Variants in POLR2D observed in about 807,000 individuals in gnomAD.
POLR2D encodes DNA-directed RNA polymerase II subunit RPB4.
Under a neutral mutation model 17.6 loss-of-function variants are expected in POLR2D, and 10 were observed. The observed-to-expected ratio is 0.57, with a 90% confidence interval of 0.35 to 0.96. The LOEUF (loss-of-function observed/expected upper bound fraction) is 0.96. Among genes scored for constraint, POLR2D ranks in the 40% least tolerant of loss-of-function variants. The probability of loss-of-function intolerance (pLI) is 0.02; values close to 1 mark genes in which losing one functional copy is unlikely to be tolerated. For synonymous variants in POLR2D, 52 were observed against 60.2 expected (o/e 0.86, Z 0.63); for missense variants, 126 against 176.4 (o/e 0.71, Z 1.62).
At chr2:127,857,901 C>A (rs376027444) in intron 1 of POLR2D, 127 bp downstream of exon 1, 3 of 1,406,286 alleles carry the variant, frequency 2.1e-6, no homozygotes, top group South Asian at 1.5e-5. Context: ...CCCTCCCCAG[C>A]CCCACGCCGC....
rs1377765584 is a variant in POLR2D, at chr2:127,847,706, C to T, written c.*401G>A. 1 of 181,146 alleles carries T rather than the reference C, an allele frequency of 5.5e-6. No homozygotes were observed. The highest frequency in any genetic ancestry group is 1.2e-5 in the Non-Finnish European group (1 of 85,936). 11.2% of individuals were successfully genotyped at this position (181,146 alleles called of 1,614,324 possible). A position where few individuals can be genotyped will look rare whatever the true frequency, so the allele number is the denominator to read the frequency against. On this transcript the variant is annotated 3_prime_UTR_variant, in exon 4 of 4. Coordinates refer to ENST00000272645, the MANE Select transcript of POLR2D (RefSeq NM_004805.4). ...CCTTTAGTATCTAGGTAAAACTGGT[C>T]TTTCTCTATAAAGTCTACTATCTTC...
At chr2:127,848,220 G>A (rs751805960) in intron 3 of POLR2D, 35 bp from the exon 4 acceptor site, 14 of 1,425,446 alleles carry the variant, frequency 9.8e-6, no homozygotes, top group South Asian at 2.4e-5. Context: ...GTGATTTGGC[G>A]ACTGGCAATT....
intron 1 of POLR2D, among the ~76,000 whole-genome samples, chr2:127,856,224 G>A (rs998815436): frequency 7.0e-6 from 1 of 143,048 alleles, no homozygotes. Context: ...AGGGAAGGTT[G>A]AGGCTGCAGT....
chr2:127,848,090 G>C lies in POLR2D; in HGVS notation c.*17C>G. 6.5e-7 allele frequency: 1 copy of C among 1,549,118 alleles called. No homozygotes were observed. Among genetic ancestry groups the C allele is most frequent in the Non-Finnish European group, 8.9e-7 (1 of 1,120,738 alleles). On this transcript the variant is annotated 3_prime_UTR_variant, in exon 4 of 4. Coordinates refer to ENST00000272645, the MANE Select transcript of POLR2D (RefSeq NM_004805.4). ...CCTGGGGATGTGGTTTCTCCGAGCA[G>C]CAGTGATGTTTGGAGATTAATACTG...
At chr2:127,853,719 T>C (rs896247051) in intron 1 of POLR2D, among the ~76,000 whole-genome samples, 2 of 152,098 alleles carry the variant, frequency 1.3e-5, no homozygotes, top group Non-Finnish European at 2.9e-5. Context: ...CACCACACCC[T>C]GTGTGTTGTT....
At chr2:127,857,743 A>C in intron 1 of POLR2D, 2 of 1,134,408 alleles carry the variant, frequency 1.8e-6, no homozygotes, top group East Asian at 4.0e-5. Context: ...ACAGTATATT[A>C]CTGTTTAAAA....
At chr2:127,855,394 CAAAAAAAA>C (rs747725989) in intron 1 of POLR2D, among the ~76,000 whole-genome samples, 10 of 51,260 alleles carry the variant, frequency 2.0e-4, no homozygotes, top group Admixed American at 1.5e-3. Context: ...AACTCCGTCT[CAAAAAAAA>C]AAAAAAAAAA....
intron 2 of POLR2D, 51 bp from the exon 3 acceptor site, chr2:127,850,736 A>C: frequency 1.1e-6 from 1 of 903,278 alleles, no homozygotes; most frequent in Non-Finnish European, 1.8e-6. Context: ...CAAATAAACA[A>C]CAAAAATCAA....
chr2:127,858,134 G>C lies in POLR2D; in HGVS notation c.-34C>G, dbSNP rs764911492. 1.7e-5 allele frequency: 24 copies of C among 1,414,788 alleles called. No individual in the cohort carries two copies. Among genetic ancestry groups the C allele is most frequent in the Middle Eastern group, 4.1e-4 (2 of 4,886 alleles). 87.6% of individuals were successfully genotyped at this position (1,414,788 alleles called of 1,614,324 possible). ...CGCGCCGCGCGCCACCACCAGCGCC[G>C]CCGGAAGCAGAAGCGCGGAGCAACG... On this transcript the variant is annotated 5_prime_UTR_variant, in exon 1 of 4. Transcript: ENST00000272645.
chr2:127,858,016 C>A lies in POLR2D; in HGVS notation c.73+12G>T. On this transcript the variant is annotated intron_variant, in intron 1 of 3. Transcript: ENST00000272645. ...AAGTGGCGCGGGGGAGTCTGGCAGC[C>A]CCGAGCCCAACCTTTAGGAAAGATG... 1.3e-6 allele frequency: 2 copies of A among 1,577,886 alleles called. No homozygotes were observed. Among genetic ancestry groups the A allele is most frequent in the Non-Finnish European group, 1.7e-6 (2 of 1,164,770 alleles).
chr2:127,850,958 C>T (rs1427898560), intron 2 of POLR2D, among the ~76,000 whole-genome samples: 9 of 151,994 alleles, frequency 5.9e-5, no homozygotes, highest in East Asian at 1.9e-4. Flanking sequence ...CAGTGGCTCA[C>T]GCCTGTAATC....
At chr2:127,853,952 T>C (rs1446631414) in intron 1 of POLR2D, among the ~76,000 whole-genome samples, 1 of 152,182 alleles carries the variant, frequency 6.6e-6, no homozygotes, top group African/African-American at 2.4e-5. Context: ...TAATGACACA[T>C]AGACTAGTTA....
rs1558981947 is a variant in POLR2D, at chr2:127,852,007, T to C, written c.254+918A>G. Among the ~76,000 whole-genome samples the C allele has an allele frequency of 6.6e-6, 1 of 152,158 alleles. No homozygotes were observed. The highest frequency in any genetic ancestry group is 1.9e-4 in the East Asian group (1 of 5,190). ...TTTCACCATTTTGGTCAGGCTGGTCTTGAACTCCTGACCGCAAGAGATGTG... is the reference window on the plus strand; with the variant it reads ...TTTCACCATTTTGGTCAGGCTGGTCCTGAACTCCTGACCGCAAGAGATGTG... On this transcript the variant is annotated intron_variant, in intron 2 of 3. Transcript: ENST00000272645. The surrounding 1 kb of genome is among the most constrained non-coding windows in gnomAD (Gnocchi z 4.0).
intron 1 of POLR2D, among the ~76,000 whole-genome samples, chr2:127,856,475 A>C (rs1000320983): frequency 1.3e-5 from 2 of 151,296 alleles, no homozygotes; most frequent in East Asian, 3.9e-4. Context: ...CTGTAGTCCC[A>C]GCTACTTGGG....
At position 127,852,772 on chromosome 2, in the gene POLR2D, A is replaced by G. The variant is rs1300117337; in HGVS notation, c.254+153T>C. Among the ~76,000 whole-genome samples, 3 of 152,174 alleles carry G rather than the reference A, an allele frequency of 2.0e-5. No individual in the cohort carries two copies. The highest frequency in any genetic ancestry group is 4.4e-5 in the Non-Finnish European group (3 of 68,032). On this transcript the variant is annotated intron_variant, in intron 2 of 3. Transcript: ENST00000272645. The surrounding 1 kb of genome is among the most constrained non-coding windows in gnomAD (Gnocchi z 4.0). ...TGGCCTCAAGTGATCTGCTGCCTCA[A>G]CCTTCCAAAGTGCTGGGTGTGAGCC...
chr2:127,852,862 A>C lies in POLR2D; in HGVS notation c.254+63T>G. On this transcript the variant is annotated intron_variant, in intron 2 of 3. Transcript: ENST00000272645. The surrounding 1 kb of genome is among the most constrained non-coding windows in gnomAD (Gnocchi z 4.0). ...GTGACACCTGGGAAAGGGGGAGGGG[A>C]CAGCATTCTACATGCAGTTGTCCAA... is the stretch of plus-strand genomic sequence containing the variant. 9.0e-7 allele frequency: 1 copy of C among 1,105,802 alleles called. No individual in the cohort carries two copies. Among genetic ancestry groups the C allele is most frequent in the Non-Finnish European group, 1.4e-6 (1 of 740,540 alleles). The allele number at this position is 1,105,802 out of a possible 1,614,324, so 68.5% of individuals were successfully genotyped here.
chr2:127,857,207 T>A (rs1247342300), intron 1 of POLR2D: 1 of 152,124 alleles, frequency 6.6e-6, no homozygotes, highest in Non-Finnish European at 1.5e-5. Flanking sequence ...TCTCAGCTAC[T>A]TGGGAGGCTG....
At chr2:127,850,004 C>T (rs1481737320) in intron 3 of POLR2D, among the ~76,000 whole-genome samples, 1 of 152,192 alleles carries the variant, frequency 6.6e-6, no homozygotes, top group Admixed American at 6.5e-5. Flanking sequence ...TTCATCTTTA[C>T]CAGACATAGC....
rs1320385908 is a variant in POLR2D at position 127,845,695 on chromosome 2, G to A, written c.*2412C>T. The A allele has an allele frequency of 6.6e-6, 1 of 152,110 alleles. No individual in the cohort carries two copies. The highest frequency in any genetic ancestry group is 2.4e-5 in the African/African-American group (1 of 41,408). 9.4% of individuals were successfully genotyped at this position (152,110 alleles called of 1,614,324 possible). On this transcript the variant is annotated 3_prime_UTR_variant, in exon 4 of 4. Transcript: ENST00000272645. ...TGGCCCAATTTCATTTATTTTCCAA[G>A]TCTGATACTATCAGTTGGTAGGCTA...
Sources: allele counts gnomAD v4.1 joint callset (sites outside exome capture counted in the v4.1 genomes callset), GRCh38; gene constraint gnomAD v4.1.1; non-coding constraint Gnocchi (gnomAD v3.1); transcripts MANE v1.5; gene names NCBI Gene and HGNC (gene_info 2026-07-23, HGNC 2026-07-21).